The following FBXL20 variants were observed in gnomAD, a reference collection of about 807,000 sequenced individuals.
FBXL20 encodes F-box/LRR-repeat protein 20.
A neutral mutation model predicts 64.0 loss-of-function variants in FBXL20; 11 were observed. That is an observed-to-expected ratio of 0.17 (90% confidence interval 0.11 to 0.28). The LOEUF is 0.28. FBXL20 is among the 10% of genes least tolerant of loss of function. The pLI is 1.00. For missense variants in FBXL20, 303 were observed against 526.2 expected, an observed-to-expected ratio of 0.58 and a Z score of 4.15; for synonymous variants, 184 against 189.0, an observed-to-expected ratio of 0.97 and a Z score of 0.22.
intron 13 of FBXL20, 73 bp from the exon 14 acceptor site, chr17:39,264,460 T>C (rs2046774471): frequency 2.0e-6 from 3 of 1,522,658 alleles, no homozygotes; most frequent in Admixed American, 1.9e-5. Flanking sequence ...CTTGTGTGAA[T>C]TGGAAAGGAG....
chr17:39,323,094 C>A (rs1404725810), intron 2 of FBXL20, among the ~76,000 whole-genome samples: 2 of 152,032 alleles, frequency 1.3e-5, no homozygotes, highest in Non-Finnish European at 1.5e-5. Flanking sequence ...CTCAGCCTCC[C>A]GAGTAGCTGA....
chr17:39,306,940 C>T (rs1430717961), intron 2 of FBXL20, among the ~76,000 whole-genome samples: 6 of 152,160 alleles, frequency 3.9e-5, no homozygotes, highest in Non-Finnish European at 2.9e-5. Context: ...AAGACACCAG[C>T]AAGGGACAGG....
chr17:39,261,732 T>C (rs1384419486), intron 14 of FBXL20, among the ~76,000 whole-genome samples, 165 bp from the exon 15 acceptor site: 3 of 152,176 alleles, frequency 2.0e-5, no homozygotes, highest in African/African-American at 7.2e-5. Context: ...TGTTCCATCC[T>C]AGGTTGTTCT....
intron 6 of FBXL20, among the ~76,000 whole-genome samples, chr17:39,292,928 G>A (rs796928937): frequency 1.3e-4 from 19 of 151,812 alleles, no homozygotes; most frequent in African/African-American, 3.6e-4. Context: ...AAGTAGCTGC[G>A]ATTACAGGCA....
intron 3 of FBXL20, among the ~76,000 whole-genome samples, chr17:39,303,217 G>A (rs551484975): frequency 1.3e-5 from 2 of 150,510 alleles, no homozygotes; most frequent in South Asian, 4.2e-4. Context: ...TGTTACTACA[G>A]GAAAATGCAA....
chr17:39,393,263 T>C (rs1207768758), intron 1 of FBXL20, among the ~76,000 whole-genome samples: 3 of 151,900 alleles, frequency 2.0e-5, no homozygotes, highest in African/African-American at 7.3e-5. Context: ...CACTCCAGCC[T>C]GGGCAAGAAG....
chr17:39,277,773 A>AT (rs1173206964), intron 9 of FBXL20, among the ~76,000 whole-genome samples: 1 of 151,706 alleles, frequency 6.6e-6, no homozygotes, highest in Non-Finnish European at 1.5e-5. Flanking sequence ...AAAAAAAAAA[A>AT]AAGTAAAATT....
upstream of FBXL20, chr17:39,402,260 GGCTGCCGCCGCGCCTCCGCGGTTGCC>G (rs2048255617): frequency 1.9e-6 from 2 of 1,075,710 alleles, no homozygotes; most frequent in Non-Finnish European, 2.2e-6. Context: ...GGGGCAGTGC[GGCTGCCGCCGCGCCTCCGCGGTTGCC>G]GCCGCCGCCG....
chr17:39,343,039 A>C (rs1673441821), intron 2 of FBXL20, 141 bp downstream of exon 2: 1 of 523,418 alleles, frequency 1.9e-6, no homozygotes. Flanking sequence ...ATGCAGAGTA[A>C]GATTGTTCAA....
intron 2 of FBXL20, among the ~76,000 whole-genome samples, chr17:39,315,965 G>T (rs1333130468): frequency 1.3e-5 from 2 of 152,120 alleles, no homozygotes; most frequent in Non-Finnish European, 2.9e-5. Flanking sequence ...GCTCATGCCT[G>T]TAATCCCAGC....
chr17:39,363,085 TC>T lies in FBXL20; in HGVS notation c.43-19845del, dbSNP rs375869793. Among the ~76,000 whole-genome samples, 54 of 151,430 alleles carry T rather than the reference TC, an allele frequency of 3.6e-4. 1 individual carries two copies. The East Asian group carries it at 9.2e-3, about 26-fold the overall frequency. On this transcript the variant is annotated intron_variant, in intron 1 of 14. Transcript: ENST00000264658. Reference sequence around the variant, plus strand: ...CACGCGATCTCAGCTCATCACAACCTCCGCCTCCTGGGTTCAAGTGATTCTC... The same window carrying T: ...CACGCGATCTCAGCTCATCACAACCTCGCCTCCTGGGTTCAAGTGATTCTC...
intron 1 of FBXL20, among the ~76,000 whole-genome samples, chr17:39,381,020 C>T (rs191703909): frequency 1.1e-3 from 161 of 152,032 alleles, no homozygotes; most frequent in Middle Eastern, 0.01. Flanking sequence ...ACTAGCAGGG[C>T]GTGGTGGCAG....
rs759820264 is a variant in FBXL20, at chr17:39,261,368, G to T, written c.*92C>A. The T allele has an allele frequency of 1.8e-4, 189 of 1,043,364 alleles. No homozygotes were observed. Among genetic ancestry groups the T allele is most frequent in the Middle Eastern group, 4.1e-4 (2 of 4,926 alleles). The allele number at this position is 1,043,364 out of a possible 1,614,324, so 64.6% of individuals were successfully genotyped here. A position where few individuals can be genotyped will look rare whatever the true frequency, so the allele number is the denominator to read the frequency against. On this transcript the variant is annotated 3_prime_UTR_variant, in exon 15 of 15. Coordinates refer to ENST00000264658, the MANE Select transcript of FBXL20 (RefSeq NM_032875.3). ...TCCCTCACTTTGTAACCCTTGCTCA[G>T]AACACTGGGGTTGCTTCCACTGGAG...
chr17:39,264,399 T>C lies in FBXL20; in HGVS notation c.991-12A>G, dbSNP rs181973548. 6.6e-5 allele frequency: 106 copies of C among 1,610,702 alleles called. 2 individuals are homozygous for C. In the East Asian group the frequency reaches 1.0e-3, roughly 16 times the overall value. On this transcript the variant is annotated splice_polypyrimidine_tract_variant and intron_variant, in intron 13 of 14. Coordinates refer to ENST00000264658, the MANE Select transcript of FBXL20 (RefSeq NM_032875.3). The stretch of plus-strand genomic sequence containing the variant: ...CAGTGAGACAGACTCTGCAGCCAAA[T>C]AGAGCAAGGAAGGATGTTGAAATAT...
intron 1 of FBXL20, among the ~76,000 whole-genome samples, chr17:39,364,521 A>G (rs1597822313): frequency 6.6e-6 from 1 of 152,284 alleles, no homozygotes; most frequent in South Asian, 2.1e-4. Context: ...AGGCGGGAGG[A>G]TTGCTTGAGC....
chr17:39,342,413 G>GAA (rs1197727617), intron 2 of FBXL20, among the ~76,000 whole-genome samples: 9 of 115,956 alleles, frequency 7.8e-5, no homozygotes, highest in Non-Finnish European at 9.2e-5. Flanking sequence ...ACATAAAATT[G>GAA]AAAAAAAAAA....
chr17:39,362,386 G>A (rs1259355188), intron 1 of FBXL20, among the ~76,000 whole-genome samples: 1 of 152,206 alleles, frequency 6.6e-6, no homozygotes, highest in African/African-American at 2.4e-5. Context: ...GACTGCCTAA[G>A]CCCAGGAGTT....
intron 1 of FBXL20, among the ~76,000 whole-genome samples, chr17:39,393,181 C>T (rs1193837412): frequency 2.6e-5 from 4 of 151,526 alleles, no homozygotes; most frequent in African/African-American, 4.9e-5. Flanking sequence ...CCCAGCTACT[C>T]AGGAGGCTGA....
chr17:39,352,584 G>C (rs1302857724), intron 1 of FBXL20, among the ~76,000 whole-genome samples: 2 of 151,420 alleles, frequency 1.3e-5, no homozygotes, highest in African/African-American at 4.9e-5. Flanking sequence ...GGGAGGCTGA[G>C]GCATGAGAAT....
Sources: gnomAD v4.1 joint callset for allele counts (sites outside exome capture counted in the v4.1 genomes callset) on GRCh38, gnomAD v4.1.1 for gene constraint, MANE v1.5 for transcripts, NCBI Gene and HGNC (gene_info 2026-07-23, HGNC 2026-07-21) for gene names.